OCA2: variants seen among roughly 807,000 people sequenced by gnomAD.
OCA2 encodes P protein.
In OCA2, 77 loss-of-function variants were observed where a neutral mutation model predicts 100.2. The ratio of observed to expected loss-of-function variants is 0.77; its 90% CI spans 0.64 to 0.93. The LOEUF (loss-of-function observed/expected upper bound fraction) is 0.93, where lower values mean the gene tolerates loss of function less well. Among genes scored for constraint, OCA2 ranks in the 40% least tolerant of loss-of-function variants. OCA2 has a pLI of 0.00. For missense variants in OCA2, 1,062 were observed against 1,089.1 expected, an observed-to-expected ratio of 0.98 and a Z score of 0.35; for synonymous variants, 432 against 439.2, an observed-to-expected ratio of 0.98 and a Z score of 0.21.
intron 23 of OCA2, among the ~76,000 whole-genome samples, chr15:27,770,367 T>A (rs2031627647): frequency 6.6e-6 from 1 of 152,154 alleles, no homozygotes; most frequent in Admixed American, 6.5e-5. Context: ...GCGCCCGGTT[T>A]CTCAGACCTC....
intron 19 of OCA2, among the ~76,000 whole-genome samples, chr15:27,912,048 G>A (rs1244546091): frequency 2.0e-5 from 3 of 152,192 alleles, no homozygotes; most frequent in Admixed American, 6.5e-5. Flanking sequence ...GAACAAATAA[G>A]TGAGTATATA....
At chr15:27,872,453 A>G (rs1198983608) in intron 19 of OCA2, among the ~76,000 whole-genome samples, 3 of 152,204 alleles carry the variant, frequency 2.0e-5, no homozygotes, top group Non-Finnish European at 4.4e-5. Context: ...AGGAAAGAGT[A>G]GAAGAGAGAA....
chr15:27,941,705 A>C (rs928576132), intron 18 of OCA2, among the ~76,000 whole-genome samples: 5 of 152,220 alleles, frequency 3.3e-5, no homozygotes, highest in Non-Finnish European at 7.3e-5. Flanking sequence ...GGCCTTCCTC[A>C]TCCTCATATG....
chr15:27,825,657 G>A (rs1477405722), intron 23 of OCA2, among the ~76,000 whole-genome samples: 1 of 152,186 alleles, frequency 6.6e-6, no homozygotes, highest in Non-Finnish European at 1.5e-5. Context: ...GCATTTTAGG[G>A]TGATGTCCCC....
chr15:27,745,830 T>C, the OCA2 span, among the ~76,000 whole-genome samples: 1 of 152,182 alleles, frequency 6.6e-6, no homozygotes, highest in East Asian at 1.9e-4. Flanking sequence ...ACCCCAGCAC[T>C]CCTTTCGATT....
the OCA2 span, among the ~76,000 whole-genome samples, chr15:27,742,202 G>T: frequency 3.3e-5 from 5 of 152,272 alleles, no homozygotes; most frequent in South Asian, 8.3e-4. Flanking sequence ...TTCTGGTTGG[G>T]CCTTGATGGT....
rs2040274011 is a variant in OCA2 at position 27,957,699 on chromosome 15, G to A, written c.1673C>T (p.Ala558Val). 6.2e-7 allele frequency: 1 copy of A among 1,613,016 alleles called. No individual in the cohort carries two copies. Among genetic ancestry groups the A allele is most frequent in the South Asian group, 1.1e-5 (1 of 91,092 alleles). ...KHEIHVWRLTAQRISPASREE... is the reference protein window; with the variant it reads ...KHEIHVWRLTVQRISPASREE... ...GCGGCTGGCCGGGCTGATGCGCTGAGCAGTCAGGCGCCAGACGTGAATCTC... is the reference window on the plus strand; with the variant it reads ...GCGGCTGGCCGGGCTGATGCGCTGAACAGTCAGGCGCCAGACGTGAATCTC... The change falls in exon 16 of 24, where the codon GCT becomes GTT. Residue 558 changes from alanine to valine, a missense_variant. Ala to Val is a moderately conservative substitution (Grantham distance 64). Transcript: ENST00000354638. The surrounding 1 kb of genome is among the most constrained non-coding windows in gnomAD (Gnocchi z 4.3).
At chr15:27,978,152 C>G (rs530657723) in intron 14 of OCA2, among the ~76,000 whole-genome samples, 1 of 152,260 alleles carries the variant, frequency 6.6e-6, no homozygotes, top group South Asian at 2.1e-4. Flanking sequence ...CAACTGTGGT[C>G]ACAGAAAATA....
intron 2 of OCA2, among the ~76,000 whole-genome samples, chr15:28,059,556 A>G (rs1306342565): frequency 3.9e-5 from 6 of 152,196 alleles, no homozygotes; most frequent in African/African-American, 1.4e-4. Context: ...TAGTAATAAT[A>G]ATAATCATCA....
intron 2 of OCA2, among the ~76,000 whole-genome samples, chr15:28,044,005 G>A (rs2043276857): frequency 6.6e-6 from 1 of 152,154 alleles, no homozygotes; most frequent in African/African-American, 2.4e-5. Flanking sequence ...AATGTCAACA[G>A]GAACACAGAT....
chr15:27,996,270 C>T (rs2041724262), intron 9 of OCA2, among the ~76,000 whole-genome samples: 2 of 152,122 alleles, frequency 1.3e-5, no homozygotes, highest in South Asian at 4.2e-4. Flanking sequence ...ATACCTACCT[C>T]AAAATCATTA....
chr15:27,984,480 A>C (rs1478970293), intron 13 of OCA2, among the ~76,000 whole-genome samples: 1 of 152,228 alleles, frequency 6.6e-6, no homozygotes. Flanking sequence ...CCACCTCAGC[A>C]GATGGTGATG....
At chr15:27,999,139 T>C (rs2041848436) in intron 9 of OCA2, among the ~76,000 whole-genome samples, 1 of 152,022 alleles carries the variant, frequency 6.6e-6, no homozygotes, top group Non-Finnish European at 1.5e-5. Flanking sequence ...GCATGGCACA[T>C]GTATACATAT....
At position 28,081,878 on chromosome 15, in the gene OCA2, C is replaced by G. The variant is rs537295670; in HGVS notation, c.-4G>C. 3 of 1,609,086 alleles carry G rather than the reference C, an allele frequency of 1.9e-6. No individual in the cohort carries two copies. In the East Asian group the frequency reaches 6.7e-5, roughly 36 times the overall value. On this transcript the variant is annotated 5_prime_UTR_variant, in exon 2 of 24. Coordinates refer to ENST00000354638, the MANE Select transcript of OCA2 (RefSeq NM_000275.3). ...CGTCTCTGCCCTCCAGATGCATGCT[C>G]CACTGCCAGTCTTCTCTCTAGGGCA...
intron 18 of OCA2, among the ~76,000 whole-genome samples, chr15:27,933,821 C>G (rs978015698): frequency 1.3e-5 from 2 of 152,202 alleles, no homozygotes; most frequent in Admixed American, 6.5e-5. Context: ...GGCTGTTTCA[C>G]TTCTTTTGTA....
At chr15:27,922,359 G>A (rs566281516) in intron 19 of OCA2, among the ~76,000 whole-genome samples, 7 of 152,232 alleles carry the variant, frequency 4.6e-5, no homozygotes, top group Non-Finnish European at 1.0e-4. Context: ...CACTCATGGA[G>A]ATGATCAGCA....
chr15:28,045,506 T>C (rs906153321), intron 2 of OCA2, among the ~76,000 whole-genome samples: 1 of 152,240 alleles, frequency 6.6e-6, no homozygotes, highest in African/African-American at 2.4e-5. Context: ...AGAAGGAATG[T>C]GTAGATTTAC....
the OCA2 span, among the ~76,000 whole-genome samples, chr15:27,722,711 T>C: frequency 3.8e-5 from 3 of 79,868 alleles, no homozygotes; most frequent in African/African-American, 2.1e-4. Flanking sequence ...TTCCTTCCTT[T>C]CTTTCTCTCT....
chr15:27,788,006 T>C (rs2032900038), intron 23 of OCA2, among the ~76,000 whole-genome samples: 1 of 152,060 alleles, frequency 6.6e-6, no homozygotes, highest in Admixed American at 6.6e-5. Flanking sequence ...AAGTGAGCTG[T>C]CTAATTTCCA....
Sources: allele counts gnomAD v4.1 joint callset (sites outside exome capture counted in the v4.1 genomes callset), GRCh38; gene constraint gnomAD v4.1.1; non-coding constraint Gnocchi (gnomAD v3.1); transcripts MANE v1.5; gene names NCBI Gene and HGNC (gene_info 2026-07-23, HGNC 2026-07-21).